TG: variants seen among roughly 807,000 people sequenced by gnomAD.
TG encodes thyroid hormones.
In TG, 270 loss-of-function variants were observed where a neutral mutation model predicts 324.7. That is an observed-to-expected ratio of 0.83 (90% CI 0.75 to 0.92). The LOEUF (loss-of-function observed/expected upper bound fraction) is 0.92, where lower values mean the gene tolerates loss of function less well. TG is among the 40% of genes least tolerant of loss of function. The pLI, the probability that TG is intolerant of heterozygous loss-of-function variation, is 0.00. For synonymous variants in TG, 1,401 were observed against 1,327.0 expected, an observed-to-expected ratio of 1.06 and a Z score of -1.21; for missense variants, 3,591 against 3,456.4, an observed-to-expected ratio of 1.04 and a Z score of -0.98.
At chr8:132,913,626 T>C (rs1191923615) in intron 20 of TG, among the ~76,000 whole-genome samples, 3 of 152,178 alleles carry the variant, frequency 2.0e-5, no homozygotes, top group Admixed American at 1.3e-4. Flanking sequence ...AAATGGTCAT[T>C]CATCAGCCCA....
chr8:133,079,379 C>G (rs1340625207), intron 41 of TG, among the ~76,000 whole-genome samples: 1 of 152,246 alleles, frequency 6.6e-6, no homozygotes, highest in Non-Finnish European at 1.5e-5. Context: ...AAGTACTACG[C>G]TGTGGTCATC....
intron 10 of TG, among the ~76,000 whole-genome samples, chr8:132,891,399 A>G (rs1447729796): frequency 6.6e-6 from 1 of 152,164 alleles, no homozygotes; most frequent in Non-Finnish European, 1.5e-5. Context: ...CAGTGGCATG[A>G]TCTCAGTTCA....
rs776709128 is a variant in TG, at chr8:132,900,265, C to T, written c.3359C>T (p.Ser1120Leu). Reference sequence around the variant, plus strand: ...GGAGAGTATGCCAGGCTGCAGGCATCGGGGGCTGGCACCTGGTGTGTGGAC... The same window carrying T: ...GGAGAGTATGCCAGGCTGCAGGCATTGGGGGCTGGCACCTGGTGTGTGGAC... ...ETGEYARLQA[S>L]GAGTWCVDPA... Residue 1120 changes from serine (S) to leucine (L), a missense_variant, in exon 15 of 48, where the codon TCG becomes TTG. By Grantham distance (145) the Ser-to-Leu change is moderately radical (BLOSUM62 -2). Coordinates refer to ENST00000220616, the MANE Select transcript of TG (RefSeq NM_003235.5). 1.8e-5 allele frequency: 29 copies of T among 1,613,988 alleles called. No individual in the cohort carries two copies. Among genetic ancestry groups the T allele is most frequent in the South Asian group, 3.3e-5 (3 of 91,014 alleles).
intron 41 of TG, among the ~76,000 whole-genome samples, chr8:133,080,385 A>T (rs1199850377): frequency 6.6e-6 from 1 of 152,098 alleles, no homozygotes; most frequent in African/African-American, 2.4e-5. Context: ...CACTCAGCTG[A>T]TGAGTGACAC....
chr8:132,927,980 C>A (rs1352410759), intron 22 of TG, among the ~76,000 whole-genome samples: 1 of 152,118 alleles, frequency 6.6e-6, no homozygotes, highest in Non-Finnish European at 1.5e-5. Context: ...ATGGATGGGC[C>A]AGTTTGTAAA....
intron 47 of TG, 80 bp from the exon 48 acceptor site, chr8:133,134,596 T>C: frequency 1.5e-6 from 2 of 1,312,216 alleles, no homozygotes; most frequent in Non-Finnish European, 2.2e-6. Context: ...GGCTGGGGTC[T>C]CTTTGGGACA....
At chr8:133,049,276 C>T (rs1193985478) in intron 41 of TG, 1 of 407,960 alleles carries the variant, frequency 2.5e-6, no homozygotes, top group East Asian at 7.3e-5. Context: ...TCAAGGAAGG[C>T]ACATAAGCAT....
intron 16 of TG, among the ~76,000 whole-genome samples, chr8:132,902,096 A>C (rs1434700074): frequency 6.6e-6 from 1 of 152,184 alleles, no homozygotes; most frequent in Non-Finnish European, 1.5e-5. Flanking sequence ...AAGTCACAGG[A>C]CATCACAGTC....
chr8:133,014,235 A>T (rs1265726310), intron 37 of TG, among the ~76,000 whole-genome samples: 1 of 152,196 alleles, frequency 6.6e-6, no homozygotes, highest in African/African-American at 2.4e-5. Flanking sequence ...TCAAGATGCA[A>T]TCCTCTCCCA....
intron 34 of TG, among the ~76,000 whole-genome samples, chr8:132,973,279 A>G (rs542679091): frequency 1.3e-5 from 2 of 152,334 alleles, no homozygotes; most frequent in East Asian, 3.9e-4. Context: ...TACCTTGACA[A>G]TCAAGACAAT....
In TG at chr8:133,022,140, C is replaced by T; in HGVS notation, c.7026C>T (p.Phe2342=). ...GCTACCGAGTGGGTGTCTTCGGCTT[C>T]CTGAGTTCTGGTGAGTTGCTGCCTC... is the stretch of plus-strand genomic sequence containing the variant. ...TASYRVGVFG[F]LSSGSGEVSG... is the part of the protein sequence containing the mutation. The change falls in exon 40 of 48, where the codon TTC becomes TTT. Residue 2342 remains phenylalanine, a synonymous_variant. Transcript: ENST00000220616. The T allele has an allele frequency of 6.2e-7, 1 of 1,614,090 alleles. No homozygotes were observed. Among genetic ancestry groups the T allele is most frequent in the Admixed American group, 1.7e-5 (1 of 60,012 alleles).
chr8:132,982,759 A>C (rs1831040196), intron 34 of TG, among the ~76,000 whole-genome samples: 1 of 152,220 alleles, frequency 6.6e-6, no homozygotes, highest in Non-Finnish European at 1.5e-5. Context: ...CTCATTGTAC[A>C]GATGTGAAAA....
intron 45 of TG, among the ~76,000 whole-genome samples, chr8:133,127,102 C>G (rs1851580008): frequency 6.6e-6 from 1 of 152,126 alleles, no homozygotes; most frequent in South Asian, 2.1e-4. Context: ...AATGGCTTCC[C>G]CATGCAAAAC....
Position 132,966,664 on chromosome 8 carries a change from T to C in TG, c.5653T>C (p.Ser1885Pro), listed in dbSNP as rs751861442. 1 of 1,614,130 alleles carries C rather than the reference T, an allele frequency of 6.2e-7. No individual in the cohort carries two copies. The highest frequency in any genetic ancestry group is 1.1e-5 in the South Asian group (1 of 91,088). Reference sequence around the variant, plus strand: ...GCACTGGCTTTTCAAGCACCTGTTTTCAGCCCAGCAGGCAAACCTATGGTG... The same window carrying C: ...GCACTGGCTTTTCAAGCACCTGTTTCCAGCCCAGCAGGCAAACCTATGGTG... ...QKHWLFKHLF[S>P]AQQANLWCLS... Residue 1885 changes from serine (S) to proline (P), a missense_variant, in exon 30 of 48, where the codon TCA becomes CCA. Coordinates refer to ENST00000220616, the MANE Select transcript of TG (RefSeq NM_003235.5).
intron 45 of TG, among the ~76,000 whole-genome samples, chr8:133,123,418 C>T (rs546818970): frequency 3.9e-5 from 6 of 152,070 alleles, no homozygotes; most frequent in Non-Finnish European, 7.4e-5. Flanking sequence ...CTGTCTCTCC[C>T]GGGTCTGAGG....
chr8:133,006,324 T>A (rs1464475914), intron 35 of TG, among the ~76,000 whole-genome samples: 1 of 152,272 alleles, frequency 6.6e-6, no homozygotes, highest in African/African-American at 2.4e-5. Context: ...CTTGGACGTG[T>A]GTCGGAATCA....
rs778035632 is a variant in TG at position 133,029,916 on chromosome 8, C to A, written c.7132C>A (p.Arg2378=). 5.0e-6 allele frequency: 8 copies of A among 1,614,068 alleles called. No individual in the cohort carries two copies. The highest frequency in any genetic ancestry group is 6.8e-6 in the Non-Finnish European group (8 of 1,180,034). Residue 2378 remains arginine (R), a synonymous_variant, in exon 41 of 48, where the codon CGG becomes AGG. Coordinates refer to ENST00000220616, the MANE Select transcript of TG (RefSeq NM_003235.5). ...CATCCGAGGATTTGGCGGGGACCCT[C>A]GGCGCGTGTCCCTGGCAGCAGACCG... ...THIRGFGGDP[R]RVSLAADRGG...
At chr8:133,088,354 A>T (rs1846953379) in intron 41 of TG, among the ~76,000 whole-genome samples, 1 of 152,138 alleles carries the variant, frequency 6.6e-6, no homozygotes, top group Non-Finnish European at 1.5e-5. Flanking sequence ...AGTGGAATGG[A>T]AAATAAGGGT....
At position 132,933,543 on chromosome 8, in the gene TG, G is replaced by A. The variant is rs372867544; in HGVS notation, c.4817-18G>A. The stretch of plus-strand genomic sequence containing the variant: ...CCCCGGGAAAGCCAGGTGAGTGACC[G>A]TCCCATGGTGCTTGCAGATTGCACA... On this transcript the variant is annotated intron_variant, in intron 23 of 47. Coordinates refer to ENST00000220616, the MANE Select transcript of TG (RefSeq NM_003235.5). 3.0e-4 allele frequency: 488 copies of A among 1,611,908 alleles called. 1 individual carries two copies. Among genetic ancestry groups the A allele is most frequent in the Non-Finnish European group, 3.9e-4 (457 of 1,178,272 alleles).
Sources: gnomAD v4.1 joint callset for allele counts (sites outside exome capture counted in the v4.1 genomes callset) on GRCh38, gnomAD v4.1.1 for gene constraint, MANE v1.5 for transcripts, NCBI Gene and HGNC (gene_info 2026-07-23, HGNC 2026-07-21) for gene names.